The following ARL1 variants were observed in gnomAD, a reference collection of about 807,000 sequenced individuals.
The protein encoded by ARL1 is ARF like GTPase 1.
A neutral mutation model predicts 30.1 loss-of-function variants in ARL1; 17 were observed. The ratio of observed to expected loss-of-function variants is 0.56; its 90% CI spans 0.39 to 0.85. The LOEUF is 0.85. Ranked by LOEUF, ARL1 falls within the 40% of genes least tolerant of loss-of-function variation. The pLI is 0.00. For missense variants in ARL1, 102 were observed against 212.6 expected, an observed-to-expected ratio of 0.48 and a Z score of 3.24; for synonymous variants, 58 against 71.7, an observed-to-expected ratio of 0.81 and a Z score of 0.97.
In ARL1 at chr12:101,407,704, C is replaced by T. The variant is rs923687942; in HGVS notation, c.-59G>A. 8 of 1,609,754 alleles carry T rather than the reference C, an allele frequency of 5.0e-6. No individual in the cohort carries two copies. In the African/African-American group the frequency reaches 9.4e-5, roughly 19 times the overall value. On this transcript the variant is annotated 5_prime_UTR_variant, in exon 1 of 6. Coordinates refer to ENST00000261636, the MANE Select transcript of ARL1 (RefSeq NM_001177.6). ...GTGATTCCTTGGCCTTCGGCTGCAGCTCCGAGGCGGTTTCCTCGCAAGCCC... is the reference window on the plus strand; with the variant it reads ...GTGATTCCTTGGCCTTCGGCTGCAGTTCCGAGGCGGTTTCCTCGCAAGCCC...
chr12:101,396,723 T>A (rs1450064650), intron 4 of ARL1, 146 bp from the exon 5 acceptor site: 1 of 634,346 alleles, frequency 1.6e-6, no homozygotes, highest in East Asian at 3.1e-5. Flanking sequence ...TAGAGAAGTA[T>A]AAAGAAAAGA....
intron 2 of ARL1, 186 bp downstream of exon 2, chr12:101,405,658 G>C (rs1871420404): frequency 4.7e-6 from 2 of 424,908 alleles, no homozygotes; most frequent in Non-Finnish European, 7.9e-6. Flanking sequence ...GCTCATGCCT[G>C]TAATCCCAGC....
At chr12:101,403,330 T>A in intron 2 of ARL1, 4 of 382,594 alleles carry the variant, frequency 1.0e-5, no homozygotes, top group South Asian at 6.1e-5. Context: ...AAGGAAAACA[T>A]AATTTTTAGC....
intron 2 of ARL1, among the ~76,000 whole-genome samples, chr12:101,405,331 A>G (rs1403187047): frequency 1.3e-5 from 2 of 152,216 alleles, no homozygotes; most frequent in African/African-American, 4.8e-5. Flanking sequence ...ATCACTTAAC[A>G]TTTATATAAT....
In ARL1 at chr12:101,400,908, C is replaced by T. The variant is rs3741953; in HGVS notation, c.336+154G>A. 7.1e-3 allele frequency among the ~76,000 whole-genome samples: 1,088 copies of T among 152,252 alleles called. 96 individuals are homozygous for T. In the East Asian group the frequency reaches 0.17, roughly 23 times the overall value. The stretch of plus-strand genomic sequence containing the variant: ...TGTTGTTGTTTTGTCTCCAACCCTC[C>T]TCAACTGTATTTTTGGAATAGAAAA... On this transcript the variant is annotated intron_variant, in intron 4 of 5. Transcript: ENST00000261636.
rs770279741 is a variant in ARL1, at chr12:101,407,656, CTGTCCTCCCT to C, written c.-21_-12del. ...GAACCCCTCACCCATGATGAACCCC[CTGTCCTCCCT>C]CGCCGATCTTCAGTGATTCCTTGGC... On this transcript the variant is annotated 5_prime_UTR_variant, in exon 1 of 6. Coordinates refer to ENST00000261636, the MANE Select transcript of ARL1 (RefSeq NM_001177.6). 1 of 1,612,314 alleles carries C rather than the reference CTGTCCTCCCT, an allele frequency of 6.2e-7. No individual in the cohort carries two copies. Among genetic ancestry groups the C allele is most frequent in the Non-Finnish European group, 8.5e-7 (1 of 1,179,784 alleles).
In ARL1 at chr12:101,395,770, T is replaced by TA. The variant is rs544271096; in HGVS notation, c.516-101dup. The TA allele has an allele frequency of 1.9e-4, 149 of 793,718 alleles. No homozygotes were observed. In the African/African-American group the frequency reaches 2.2e-3, roughly 12 times the overall value. 49.2% of individuals were successfully genotyped at this position (793,718 alleles called of 1,614,324 possible). ...TATTGGAGGTGGATTCCAAAGTACT[T>TA]AAAATGATGACAGCTAACACAGATG... is the stretch of plus-strand genomic sequence containing the variant. On this transcript the variant is annotated intron_variant, in intron 5 of 5. Transcript: ENST00000261636.
chr12:101,404,567 G>A (rs1203631730), intron 2 of ARL1, among the ~76,000 whole-genome samples: 1 of 152,116 alleles, frequency 6.6e-6, no homozygotes, highest in Non-Finnish European at 1.5e-5. Context: ...GGTTCAAAAC[G>A]CTCTTCTTTC....
chr12:101,395,567 G>T lies in ARL1; in HGVS notation c.*73C>A. On this transcript the variant is annotated 3_prime_UTR_variant, in exon 6 of 6. Coordinates refer to ENST00000261636, the MANE Select transcript of ARL1 (RefSeq NM_001177.6). ...ATATAGTTTTAACATCTAGTAGTGT[G>T]AAGTACACTTGACTGTTTCCAAAGG... 2 of 1,223,206 alleles carry T rather than the reference G, an allele frequency of 1.6e-6. No homozygotes were observed. The highest frequency in any genetic ancestry group is 2.4e-6 in the Non-Finnish European group (2 of 848,356). The allele number at this position is 1,223,206 out of a possible 1,614,324, so 75.8% of individuals were successfully genotyped here.
intron 5 of ARL1, 44 bp downstream of exon 5, chr12:101,396,355 G>GCA: frequency 1.2e-6 from 2 of 1,610,338 alleles, no homozygotes; most frequent in Non-Finnish European, 1.7e-6. Flanking sequence ...ATAGCTGCAA[G>GCA]CACACACAAA....
At position 101,401,102 on chromosome 12, in the gene ARL1, C is replaced by T. The variant is rs1033216289; in HGVS notation, c.296G>A (p.Arg99Gln). ...TAACTCTGATTTGGAAATGCCAATT[C>T]GGTCTCGGTCACAACTGTCTACTAC... ...IYVVDSCDRDRIGISKSELVA... is the reference protein window; with the variant it reads ...IYVVDSCDRDQIGISKSELVA... The change falls in exon 4 of 6, where the codon CGA (arginine) becomes CAA (glutamine). Residue 99 changes from arginine (R) to glutamine (Q), a missense_variant. Coordinates refer to ENST00000261636, the MANE Select transcript of ARL1 (RefSeq NM_001177.6). 1 of 1,613,830 alleles carries T rather than the reference C, an allele frequency of 6.2e-7. No individual in the cohort carries two copies. Among genetic ancestry groups the T allele is most frequent in the Non-Finnish European group, 8.5e-7 (1 of 1,179,806 alleles).
chr12:101,403,734 T>G (rs1593467320), intron 2 of ARL1: 1 of 152,272 alleles, frequency 6.6e-6, no homozygotes, highest in African/African-American at 2.4e-5. Context: ...CCAAGGCGGG[T>G]GGATCACCTG....
chr12:101,403,490 A>G lies in ARL1; in HGVS notation c.143-544T>C, dbSNP rs1871357273. 6.9e-5 allele frequency: 15 copies of G among 216,838 alleles called. No homozygotes were observed. The South Asian group carries it at 8.1e-4, about 12-fold the overall frequency. 13.4% of individuals were successfully genotyped at this position (216,838 alleles called of 1,614,324 possible). ...TAAACAGACCAAAAGAAAAAAAGCT[A>G]AACTTCAGTTCTAAACTACAGCATG... On this transcript the variant is annotated intron_variant, in intron 2 of 5. Transcript: ENST00000261636.
At chr12:101,400,432 A>C (rs1314229095) in intron 4 of ARL1, 1 of 152,166 alleles carries the variant, frequency 6.6e-6, no homozygotes, top group Non-Finnish European at 1.5e-5. Flanking sequence ...AAAAAGAAAC[A>C]ATATCGGTAT....
intron 4 of ARL1, among the ~76,000 whole-genome samples, chr12:101,399,375 G>C (rs1328049202): frequency 6.6e-6 from 1 of 151,906 alleles, no homozygotes; most frequent in African/African-American, 2.4e-5. Context: ...AGCCGGGTGT[G>C]GTGGCAGAAG....
intron 2 of ARL1, among the ~76,000 whole-genome samples, chr12:101,404,444 C>A (rs1042876850): frequency 2.0e-5 from 3 of 152,224 alleles, no homozygotes; most frequent in Non-Finnish European, 4.4e-5. Flanking sequence ...ATCCACTGTG[C>A]TGCTCTGTGC....
At chr12:101,398,503 G>T (rs571356130) in intron 4 of ARL1, among the ~76,000 whole-genome samples, 2 of 151,974 alleles carry the variant, frequency 1.3e-5, no homozygotes, top group African/African-American at 2.4e-5. Flanking sequence ...AGGTTGGAGT[G>T]CAGTGGCACT....
In ARL1 at chr12:101,395,626, A is replaced by G; in HGVS notation, c.*14T>C. 1.3e-6 allele frequency: 2 copies of G among 1,576,930 alleles called. No individual in the cohort carries two copies. Among genetic ancestry groups the G allele is most frequent in the Non-Finnish European group, 1.7e-6 (2 of 1,156,934 alleles). ...TGATGTAGTCTTCATTTCAGGGGAG[A>G]AGAATGGACTGAATTACTGTCTGCT... On this transcript the variant is annotated 3_prime_UTR_variant, in exon 6 of 6. Coordinates refer to ENST00000261636, the MANE Select transcript of ARL1 (RefSeq NM_001177.6).
chr12:101,396,071 G>A (rs1178788016), intron 5 of ARL1: 1 of 574,184 alleles, frequency 1.7e-6, no homozygotes, highest in African/African-American at 1.9e-5. Context: ...TTAGGCAGTA[G>A]GAATAGAGAT....
Sources: allele counts gnomAD v4.1 joint callset (sites outside exome capture counted in the v4.1 genomes callset), GRCh38; gene constraint gnomAD v4.1.1; transcripts MANE v1.5; gene names NCBI Gene and HGNC (gene_info 2026-07-23, HGNC 2026-07-21).